CNTN4: variants seen among roughly 807,000 people sequenced by gnomAD.
The protein encoded by CNTN4 is contactin 4, also known as contactin-4.
A neutral mutation model predicts 122.5 loss-of-function variants in CNTN4; 77 were observed. The observed-to-expected ratio is 0.63, with a 90% confidence interval of 0.52 to 0.76. The LOEUF (loss-of-function observed/expected upper bound fraction) is 0.76, where lower values mean the gene tolerates loss of function less well. Among genes scored for constraint, CNTN4 ranks in the 30% least tolerant of loss-of-function variants. The pLI is 0.00. For missense variants in CNTN4, 1,256 were observed against 1,259.1 expected (o/e 1.00, Z 0.04); for synonymous variants, 512 against 447.0 (o/e 1.15, Z -1.83).
chr3:2,888,033 T>G (rs1315315764), intron 10 of CNTN4, among the ~76,000 whole-genome samples: 1 of 152,234 alleles, frequency 6.6e-6, no homozygotes, highest in Non-Finnish European at 1.5e-5. Context: ...ACAATGCATA[T>G]TAAAATGATG....
chr3:2,524,867 A>T (rs766588924), intron 3 of CNTN4, among the ~76,000 whole-genome samples: 3 of 152,146 alleles, frequency 2.0e-5, no homozygotes, highest in Middle Eastern at 3.2e-3. Flanking sequence ...AGGAAAAAAA[A>T]GTTTAATAGA....
chr3:2,610,787 T>C (rs148290584), intron 4 of CNTN4, among the ~76,000 whole-genome samples: 5 of 152,230 alleles, frequency 3.3e-5, no homozygotes, highest in African/African-American at 1.2e-4. Flanking sequence ...TCATTATGAG[T>C]ATTTTCAGAG....
At chr3:2,889,154 A>C (rs764319514) in intron 10 of CNTN4, among the ~76,000 whole-genome samples, 1 of 152,224 alleles carries the variant, frequency 6.6e-6, no homozygotes, top group Non-Finnish European at 1.5e-5. Flanking sequence ...AGAGATTTCC[A>C]CTATGAGCCA....
chr3:2,340,102 A>G (rs189099588), intron 3 of CNTN4, among the ~76,000 whole-genome samples: 59 of 151,126 alleles, frequency 3.9e-4, no homozygotes, highest in Admixed American at 1.3e-3. Flanking sequence ...TCACATCTTA[A>G]CTTGATTTTT....
At chr3:2,420,672 G>T (rs2047582287) in intron 3 of CNTN4, among the ~76,000 whole-genome samples, 1 of 152,082 alleles carries the variant, frequency 6.6e-6, no homozygotes, top group South Asian at 2.1e-4. Context: ...CTGGCCTCAA[G>T]TAATCTGCCT....
At chr3:2,627,538 G>T (rs908549336) in intron 4 of CNTN4, among the ~76,000 whole-genome samples, 1 of 143,310 alleles carries the variant, frequency 7.0e-6, no homozygotes, top group South Asian at 2.2e-4. Flanking sequence ...CTGTCGCCCA[G>T]GCTGGAGTGT....
chr3:2,191,519 T>C (rs1440675612), intron 2 of CNTN4, among the ~76,000 whole-genome samples: 2 of 152,098 alleles, frequency 1.3e-5, no homozygotes, highest in Non-Finnish European at 2.9e-5. Flanking sequence ...TCTGTACTCA[T>C]GTGGTGCCGC....
chr3:2,754,084 G>A (rs781605919), intron 6 of CNTN4, among the ~76,000 whole-genome samples: 1 of 152,140 alleles, frequency 6.6e-6, no homozygotes, highest in Non-Finnish European at 1.5e-5. Context: ...TGAAATATTT[G>A]TATAAGCTTC....
chr3:2,294,261 T>A (rs1450055091), intron 2 of CNTN4, among the ~76,000 whole-genome samples: 1 of 150,680 alleles, frequency 6.6e-6, no homozygotes, highest in Admixed American at 6.6e-5. Context: ...CAAGTTACAT[T>A]GCAAAGGAAA....
intron 2 of CNTN4, among the ~76,000 whole-genome samples, chr3:2,177,539 A>C (rs1248835192): frequency 1.3e-5 from 2 of 151,998 alleles, no homozygotes; most frequent in Non-Finnish European, 2.9e-5. Flanking sequence ...GTCTGTGCCA[A>C]ATCTAACTTC....
chr3:2,976,221 T>TC (rs1218354615), intron 13 of CNTN4, among the ~76,000 whole-genome samples: 2 of 152,196 alleles, frequency 1.3e-5, no homozygotes, highest in Non-Finnish European at 2.9e-5. Context: ...TTAATACTCA[T>TC]CCAGCCCCAG....
At chr3:2,118,949 G>A (rs971778751) in intron 2 of CNTN4, among the ~76,000 whole-genome samples, 4 of 152,214 alleles carry the variant, frequency 2.6e-5, no homozygotes, top group South Asian at 4.1e-4. Context: ...CAGGGTCCAA[G>A]TGTAATGGTT....
intron 2 of CNTN4, among the ~76,000 whole-genome samples, chr3:2,300,777 G>T (rs1445819097): frequency 1.3e-5 from 2 of 151,742 alleles, no homozygotes; most frequent in Non-Finnish European, 1.5e-5. Context: ...CACCATGTTG[G>T]CCAGGATGGT....
chr3:2,410,909 T>C (rs906166361), intron 3 of CNTN4, among the ~76,000 whole-genome samples: 1 of 152,222 alleles, frequency 6.6e-6, no homozygotes, highest in African/African-American at 2.4e-5. Flanking sequence ...TATTTAAGTG[T>C]AGTGTCAGAA....
At chr3:2,626,710 C>G (rs2082204996) in intron 4 of CNTN4, among the ~76,000 whole-genome samples, 1 of 152,014 alleles carries the variant, frequency 6.6e-6, no homozygotes, top group Admixed American at 6.6e-5. Context: ...TTGTGATAAC[C>G]CAGATTACTT....
chr3:2,481,063 C>CTTTCTTTCTTTCTTTCTTTCTCTCTT (rs1575730827), intron 3 of CNTN4, among the ~76,000 whole-genome samples: 1 of 38,900 alleles, frequency 2.6e-5, no homozygotes, highest in Non-Finnish European at 7.3e-5. Flanking sequence ...CTTTCTTTCT[C>CTTTCTTTCTTTCTTTCTTTCTCTCTT]TCTTTCTCTC....
At chr3:2,982,472 C>T (rs76613080) in intron 13 of CNTN4, among the ~76,000 whole-genome samples, 1,983 of 152,300 alleles carry the variant, frequency 0.013, 58 homozygotes, top group East Asian at 0.071. Context: ...GTCATAAGGT[C>T]TCTGCTTCTC....
At position 2,428,151 on chromosome 3, in the gene CNTN4, A is replaced by C. The variant is rs113216517; in HGVS notation, c.-89+88918A>C. On this transcript the variant is annotated intron_variant, in intron 3 of 24. Transcript: ENST00000418658. ...GGTTATTTTGCTGAGTAGTTGATGC[A>C]GTTTCTTCCTAGCCTCGATGGTCTT... 6.2e-4 allele frequency among the ~76,000 whole-genome samples: 95 copies of C among 152,274 alleles called. 2 individuals are homozygous for C. In the Middle Eastern group the frequency reaches 0.014, roughly 22 times the overall value.
intron 14 of CNTN4, among the ~76,000 whole-genome samples, chr3:3,000,582 G>C (rs999339536): frequency 6.6e-6 from 1 of 152,238 alleles, no homozygotes; most frequent in African/African-American, 2.4e-5. Context: ...TTCATTTCCA[G>C]ACTAGACATC....
Sources: allele counts gnomAD v4.1 joint callset (sites outside exome capture counted in the v4.1 genomes callset), GRCh38; gene constraint gnomAD v4.1.1; transcripts MANE v1.5; gene names NCBI Gene and HGNC (gene_info 2026-07-23, HGNC 2026-07-21).